The following TENT5C variants were observed in gnomAD, a reference collection of about 807,000 sequenced individuals.
TENT5C encodes the protein family with sequence similarity 46 member C.
TENT5C carries 5 observed loss-of-function variants against 22.2 expected under a neutral mutation model. The observed-to-expected ratio is 0.22, with a 90% CI of 0.12 to 0.47. The LOEUF (loss-of-function observed/expected upper bound fraction) is 0.47, where lower values mean the gene tolerates loss of function less well. Among genes scored for constraint, TENT5C ranks in the 20% least tolerant of loss-of-function variants. The pLI is 0.99. For synonymous variants in TENT5C, 199 were observed against 195.4 expected, an observed-to-expected ratio of 1.02 and a Z score of -0.15; for missense variants, 364 against 500.9, an observed-to-expected ratio of 0.73 and a Z score of 2.61.
At chr1:117,606,563 C>A (rs1056278479) in intron 1 of TENT5C, among the ~76,000 whole-genome samples, 1 of 152,230 alleles carries the variant, frequency 6.6e-6, no homozygotes, top group African/African-American at 2.4e-5. Context: ...CGGCGCCCCC[C>A]GCCACCCATG....
intron 1 of TENT5C, among the ~76,000 whole-genome samples, chr1:117,620,461 A>G (rs575860939): frequency 1.3e-5 from 2 of 152,324 alleles, no homozygotes; most frequent in African/African-American, 4.8e-5. Context: ...AGGTAGACCA[A>G]CATACCTGAA....
rs1399648375 is a variant in TENT5C, at chr1:117,623,783, C to T, written c.915C>T (p.Asp305=). 6.2e-7 allele frequency: 1 copy of T among 1,614,190 alleles called. No individual in the cohort carries two copies. Residue 305 remains aspartate, a synonymous_variant, in exon 2 of 2, where the codon GAC becomes GAT. Transcript: ENST00000369448. ...HFAEEERSKY[D]YLMILRRVVN... ...CTGAAGAAGAGAGAAGCAAGTACGA[C>T]TACCTCATGATCCTTCGCAGGGTGG...
chr1:117,612,451 GTTTATCAACAATTAAGT>G (rs1370562879), intron 1 of TENT5C, among the ~76,000 whole-genome samples: 2 of 151,918 alleles, frequency 1.3e-5, no homozygotes, highest in African/African-American at 4.8e-5. Flanking sequence ...CCAGGACTCA[GTTTATCAACAATTAAGT>G]TTTATCAACA....
At chr1:117,620,286 T>C (rs746589446) in intron 1 of TENT5C, among the ~76,000 whole-genome samples, 5 of 152,224 alleles carry the variant, frequency 3.3e-5, no homozygotes, top group Non-Finnish European at 7.3e-5. Context: ...TCTGTAACAT[T>C]ATTGAGGTTC....
At chr1:117,607,660 T>TGAGC (rs1653570693) in intron 1 of TENT5C, among the ~76,000 whole-genome samples, 1 of 152,112 alleles carries the variant, frequency 6.6e-6, no homozygotes, top group Non-Finnish European at 1.5e-5. Context: ...GGCAAGGAAA[T>TGAGC]GAGCCCAGGA....
At position 117,625,905 on chromosome 1, in the gene TENT5C, C is replaced by T; in HGVS notation, c.*1861C>T. 4.0e-6 allele frequency: 1 copy of T among 247,854 alleles called. No individual in the cohort carries two copies. Among genetic ancestry groups the T allele is most frequent in the Non-Finnish European group, 8.5e-6 (1 of 118,002 alleles). 15.4% of individuals were successfully genotyped at this position (247,854 alleles called of 1,614,324 possible). ...AATCAGCTCCTGTTTCCCTGTGAGC[C>T]TTAGTTATATTTTAATTCAGTGGCT... On this transcript the variant is annotated 3_prime_UTR_variant, in exon 2 of 2. Coordinates refer to ENST00000369448, the MANE Select transcript of TENT5C (RefSeq NM_017709.4).
In TENT5C at chr1:117,623,124, T is replaced by C. The variant is rs761592207; in HGVS notation, c.256T>C (p.Leu86=). The C allele has an allele frequency of 1.9e-6, 3 of 1,614,174 alleles. No individual in the cohort carries two copies. In the South Asian group the frequency reaches 3.3e-5, roughly 18 times the overall value. ...AGHVLVKDNG[L]GCKDLDLIFH... The stretch of plus-strand genomic sequence containing the variant: ...CCACGTTTTGGTCAAAGACAATGGC[T>C]TGGGCTGCAAAGACCTGGACCTAAT... The change falls in exon 2 of 2, where the codon TTG becomes CTG. Residue 86 remains leucine, a synonymous_variant. Transcript: ENST00000369448.
chr1:117,618,499 T>A (rs978108501), intron 1 of TENT5C, among the ~76,000 whole-genome samples: 2 of 152,032 alleles, frequency 1.3e-5, no homozygotes, highest in African/African-American at 4.8e-5. Context: ...CATCCCCTTA[T>A]CTGTAGAGAT....
intron 1 of TENT5C, among the ~76,000 whole-genome samples, chr1:117,607,978 G>A (rs768573933): frequency 1.3e-5 from 2 of 151,750 alleles, no homozygotes; most frequent in South Asian, 2.1e-4. Context: ...TAGCTTTAGA[G>A]TACATATATT....
At position 117,608,763 on chromosome 1, in the gene TENT5C, CTTT is replaced by C. The variant is rs5777320; in HGVS notation, c.-28+2624_-28+2626del. Reference sequence around the variant, plus strand: ...AAGGCTCTCAGTGGATGAGTTGAACCTTTTTTTTTTTTTTTTGCATTACTGAGA... The same window carrying C: ...AAGGCTCTCAGTGGATGAGTTGAACCTTTTTTTTTTTTTGCATTACTGAGA... On this transcript the variant is annotated intron_variant, in intron 1 of 1. Transcript: ENST00000369448. Among the ~76,000 whole-genome samples the C allele has an allele frequency of 2.9e-3, 396 of 138,772 alleles. 2 individuals are homozygous for C. Among genetic ancestry groups the C allele is most frequent in the African/African-American group, 7.6e-3 (288 of 37,798 alleles). 91.0% of individuals were successfully genotyped at this position (138,772 alleles called of 152,430 possible). A position where few individuals can be genotyped will look rare whatever the true frequency, so the allele number is the denominator to read the frequency against.
chr1:117,613,416 A>G (rs1450209003), intron 1 of TENT5C, among the ~76,000 whole-genome samples: 2 of 152,242 alleles, frequency 1.3e-5, no homozygotes, highest in Admixed American at 6.5e-5. Context: ...CGGCCACAGC[A>G]TTAGTTCTTC....
At chr1:117,616,283 C>T (rs1027259442) in intron 1 of TENT5C, among the ~76,000 whole-genome samples, 2 of 152,190 alleles carry the variant, frequency 1.3e-5, no homozygotes, top group East Asian at 3.8e-4. Flanking sequence ...CTTTGACACA[C>T]ACCTCTACAC....
chr1:117,624,112 C>A lies in TENT5C; in HGVS notation c.*68C>A. 2 of 1,336,876 alleles carry A rather than the reference C, an allele frequency of 1.5e-6. No homozygotes were observed. Among genetic ancestry groups the A allele is most frequent in the African/African-American group, 1.5e-5 (1 of 67,604 alleles). The allele number at this position is 1,336,876 out of a possible 1,614,324, so 82.8% of individuals were successfully genotyped here. On this transcript the variant is annotated 3_prime_UTR_variant, in exon 2 of 2. Coordinates refer to ENST00000369448, the MANE Select transcript of TENT5C (RefSeq NM_017709.4). ...CTAGGGCTCTCAGGTAGGGGAGCCT[C>A]CTTCTAGATGTAGGCATTTGGCTTT...
At chr1:117,610,343 C>T (rs915606644) in intron 1 of TENT5C, among the ~76,000 whole-genome samples, 2 of 152,164 alleles carry the variant, frequency 1.3e-5, no homozygotes, top group Non-Finnish European at 2.9e-5. Context: ...CCTCCACCCC[C>T]CATGGCAGAG....
At chr1:117,617,437 A>G (rs1653812154) in intron 1 of TENT5C, among the ~76,000 whole-genome samples, 2 of 151,606 alleles carry the variant, frequency 1.3e-5, no homozygotes, top group Non-Finnish European at 2.9e-5. Context: ...CAGTCAGATA[A>G]TAGAAGAAAA....
In TENT5C at chr1:117,626,667, T is replaced by G. The variant is rs755972872; in HGVS notation, c.*2623T>G. The G allele has an allele frequency of 4.0e-6, 1 of 248,002 alleles. No homozygotes were observed. Among genetic ancestry groups the G allele is most frequent in the Non-Finnish European group, 8.5e-6 (1 of 118,114 alleles). 15.4% of individuals were successfully genotyped at this position (248,002 alleles called of 1,614,324 possible). ...CACACAAGCACCAGGTACCCTGAGC[T>G]TATACTGAGTCCAGTGGTTCCTATT... On this transcript the variant is annotated 3_prime_UTR_variant, in exon 2 of 2. Coordinates refer to ENST00000369448, the MANE Select transcript of TENT5C (RefSeq NM_017709.4).
intron 1 of TENT5C, among the ~76,000 whole-genome samples, chr1:117,608,104 G>A (rs1163179442): frequency 1.3e-5 from 2 of 151,780 alleles, no homozygotes; most frequent in Non-Finnish European, 2.9e-5. Flanking sequence ...ACTCTGCCAG[G>A]AGGCCTCTAA....
At chr1:117,611,676 A>G (rs1653674222) in intron 1 of TENT5C, among the ~76,000 whole-genome samples, 2 of 152,114 alleles carry the variant, frequency 1.3e-5, no homozygotes, top group East Asian at 1.9e-4. Flanking sequence ...CCCCATCTAT[A>G]TAAAAACAAT....
chr1:117,624,364 C>T lies in TENT5C; in HGVS notation c.*320C>T. 3.0e-6 allele frequency: 1 copy of T among 331,622 alleles called. No individual in the cohort carries two copies. The highest frequency in any genetic ancestry group is 4.5e-5 in the Admixed American group (1 of 22,382). The allele number at this position is 331,622 out of a possible 1,614,324, so 20.5% of individuals were successfully genotyped here. A position where few individuals can be genotyped will look rare whatever the true frequency, so the allele number is the denominator to read the frequency against. ...TGGGGGTTGAGCTCTGTGCAGTAATCGAGATTGGGAGAATTTGGGCAGCGC... is the reference window on the plus strand; with the variant it reads ...TGGGGGTTGAGCTCTGTGCAGTAATTGAGATTGGGAGAATTTGGGCAGCGC... On this transcript the variant is annotated 3_prime_UTR_variant, in exon 2 of 2. Transcript: ENST00000369448.
Sources: gnomAD v4.1 joint callset for allele counts (sites outside exome capture counted in the v4.1 genomes callset) on GRCh38, gnomAD v4.1.1 for gene constraint, MANE v1.5 for transcripts, NCBI Gene and HGNC (gene_info 2026-07-23, HGNC 2026-07-21) for gene names.